The following KALRN variants were observed in gnomAD, a reference collection of about 807,000 sequenced individuals.
The protein encoded by KALRN is kalirin RhoGEF kinase, also known as kalirin.
KALRN carries 70 observed loss-of-function variants against 353.7 expected under a neutral mutation model. The observed-to-expected ratio is 0.20, with a 90% confidence interval of 0.16 to 0.24. KALRN has a LOEUF of 0.24. Ranked by LOEUF, KALRN falls within the 10% of genes least tolerant of loss-of-function variation. The pLI, the probability that KALRN is intolerant of heterozygous loss-of-function variation, is 1.00. For synonymous variants in KALRN, 1,391 were observed against 1,434.8 expected (o/e 0.97, Z 0.69); for missense variants, 2,791 against 3,756.7 (o/e 0.74, Z 6.72).
chr3:124,536,873 A>G (rs1027307681), intron 33 of KALRN, among the ~76,000 whole-genome samples: 5 of 152,242 alleles, frequency 3.3e-5, no homozygotes, highest in African/African-American at 1.2e-4. Context: ...AGGACTTGAG[A>G]AAGTTCAATT....
At chr3:124,259,704 A>C (rs1366872380) in intron 3 of KALRN, among the ~76,000 whole-genome samples, 1 of 152,196 alleles carries the variant, frequency 6.6e-6, no homozygotes, top group Non-Finnish European at 1.5e-5. Context: ...GAAATGAATA[A>C]AAACTTCCTG....
chr3:124,268,930 G>T lies in KALRN; in HGVS notation c.644G>T (p.Arg215Leu), dbSNP rs758996837. The T allele has an allele frequency of 6.2e-7, 1 of 1,614,070 alleles. No individual in the cohort carries two copies. The highest frequency in any genetic ancestry group is 8.5e-7 in the Non-Finnish European group (1 of 1,179,996). Residue 215 changes from arginine to leucine, a missense_variant, in exon 5 of 60, where the codon CGG (arginine) becomes CTG (leucine). By Grantham distance (102) the Arg-to-Leu change is moderately radical. This residue lies in a region of KALRN where 366 missense variants were observed against 489.2 expected (regional missense o/e 0.75). Transcript: ENST00000682506. ...GAGGACCTCCAGGAGATGCTAGCCC[G>T]GAAGGAGTTTCCTGTGGATGTGGAG... ...RLEDLQEMLA[R>L]KEFPVDVEGS...
At chr3:124,644,072 T>G (rs1392251870) in intron 37 of KALRN, among the ~76,000 whole-genome samples, 2 of 152,382 alleles carry the variant, frequency 1.3e-5, no homozygotes, top group East Asian at 3.9e-4. Flanking sequence ...TCTCTAGACC[T>G]GTTCATGCTA....
At chr3:124,166,028 C>T (rs1263932597) in intron 1 of KALRN, among the ~76,000 whole-genome samples, 2 of 152,074 alleles carry the variant, frequency 1.3e-5, no homozygotes, top group East Asian at 1.9e-4. Flanking sequence ...CTTCTTCCCC[C>T]GCTCATCCTC....
Position 124,510,237 on chromosome 3 carries a change from T to C in KALRN, c.4935+13824T>C, listed in dbSNP as rs546626566. 6.4e-4 allele frequency among the ~76,000 whole-genome samples: 97 copies of C among 152,246 alleles called. 1 individual carries two copies. Among genetic ancestry groups the C allele is most frequent in the African/African-American group, 2.3e-3 (95 of 41,528 alleles). On this transcript the variant is annotated intron_variant, in intron 33 of 59. Transcript: ENST00000682506. Reference sequence around the variant, plus strand: ...GATCAGAGAATGTTCCACGTTAGATTTTACTGAATGGGTAGAATTTATCCA... The same window carrying C: ...GATCAGAGAATGTTCCACGTTAGATCTTACTGAATGGGTAGAATTTATCCA...
chr3:124,295,117 C>G (rs566387177), intron 5 of KALRN, among the ~76,000 whole-genome samples: 2 of 152,342 alleles, frequency 1.3e-5, no homozygotes, highest in Middle Eastern at 6.8e-3. Flanking sequence ...AGACAGCCAG[C>G]CTTGCAGGGG....
chr3:124,563,208 G>A (rs1164647807), intron 34 of KALRN, 119 bp downstream of exon 34: 1 of 1,089,220 alleles, frequency 9.2e-7, no homozygotes, highest in Admixed American at 2.6e-5. Flanking sequence ...ACCCTGTGGG[G>A]TTTCTTTGGG....
chr3:124,115,574 C>G (rs2063379111), intron 1 of KALRN, among the ~76,000 whole-genome samples: 1 of 152,168 alleles, frequency 6.6e-6, no homozygotes, highest in African/African-American at 2.4e-5. Flanking sequence ...CTGCCACTGT[C>G]CGAGCCCTGC....
chr3:124,643,207 C>T (rs987162913), intron 37 of KALRN, among the ~76,000 whole-genome samples: 3 of 152,092 alleles, frequency 2.0e-5, no homozygotes, highest in Non-Finnish European at 4.4e-5. Context: ...GAGGCAGGGT[C>T]TGACTTTGTT....
chr3:124,368,774 T>C (rs2085384799), intron 10 of KALRN, among the ~76,000 whole-genome samples: 1 of 150,974 alleles, frequency 6.6e-6, no homozygotes, highest in African/African-American at 2.4e-5. Context: ...TGGGCACCAT[T>C]GAGCACTGAG....
intron 8 of KALRN, among the ~76,000 whole-genome samples, chr3:124,333,391 G>A (rs1313455055): frequency 1.3e-5 from 2 of 152,168 alleles, no homozygotes; most frequent in Non-Finnish European, 2.9e-5. Context: ...TATGAAATAT[G>A]TACATAAATA....
At chr3:124,155,674 G>C (rs1035376228) in intron 1 of KALRN, among the ~76,000 whole-genome samples, 1 of 152,206 alleles carries the variant, frequency 6.6e-6, no homozygotes, top group Admixed American at 6.5e-5. Context: ...GGAATTTAAA[G>C]AAATGCAATA....
rs138133906 is a variant in KALRN at position 124,149,272 on chromosome 3, G to A, written c.74-78718G>A. Among the ~76,000 whole-genome samples the A allele has an allele frequency of 7.0e-4, 107 of 152,290 alleles. No individual in the cohort carries two copies. In the South Asian group the frequency reaches 0.015, roughly 21 times the overall value. The stretch of plus-strand genomic sequence containing the variant: ...CAGTTCCCTGTCTGTAGCAAAGTCT[G>A]CCCAGATGAGTCTACCATTGCTGAT... On this transcript the variant is annotated intron_variant, in intron 1 of 59. Transcript: ENST00000682506.
intron 10 of KALRN, among the ~76,000 whole-genome samples, chr3:124,367,477 C>CA (rs2085010736): frequency 9.7e-6 from 1 of 103,390 alleles, no homozygotes; most frequent in Non-Finnish European, 2.0e-5. Flanking sequence ...CCCCCCACCT[C>CA]CCTCCCGGAC....
chr3:124,368,262 G>T (rs1198678105), intron 10 of KALRN, among the ~76,000 whole-genome samples: 2 of 147,226 alleles, frequency 1.4e-5, no homozygotes, highest in Non-Finnish European at 3.0e-5. Context: ...CCTCCCTCCC[G>T]GACGGGGCGG....
At chr3:124,530,016 A>T (rs770880798) in intron 33 of KALRN, among the ~76,000 whole-genome samples, 30 of 152,164 alleles carry the variant, frequency 2.0e-4, no homozygotes, top group Non-Finnish European at 4.0e-4. Flanking sequence ...CCCCACCCCC[A>T]TCTCATTCAA....
At chr3:124,693,478 G>A (rs1224454354) in intron 51 of KALRN, among the ~76,000 whole-genome samples, 4 of 152,142 alleles carry the variant, frequency 2.6e-5, no homozygotes, top group Admixed American at 1.3e-4. Flanking sequence ...TTTTCTGCCT[G>A]TGAAGGGAAG....
At chr3:124,188,115 T>C (rs1413217805) in intron 1 of KALRN, among the ~76,000 whole-genome samples, 2 of 152,184 alleles carry the variant, frequency 1.3e-5, no homozygotes, top group Non-Finnish European at 2.9e-5. Context: ...ATTATGTTTT[T>C]ATGTGCAGCT....
chr3:124,646,193 A>G (rs1158417381), intron 37 of KALRN, among the ~76,000 whole-genome samples: 2 of 152,044 alleles, frequency 1.3e-5, no homozygotes, highest in Non-Finnish European at 2.9e-5. Context: ...CCCAAGTTAC[A>G]TAGCATATTT....
Sources: gnomAD v4.1 joint callset for allele counts (sites outside exome capture counted in the v4.1 genomes callset) on GRCh38, gnomAD v4.1.1 for gene constraint, gnomAD v4.1.1 regional missense constraint, MANE v1.5 for transcripts, NCBI Gene and HGNC (gene_info 2026-07-23, HGNC 2026-07-21) for gene names.